Variants in RREB1 observed in about 807,000 individuals in gnomAD.
RREB1 encodes ras responsive element binding protein 1, also known as ras-responsive element-binding protein 1.
RREB1 carries 27 observed loss-of-function variants against 117.8 expected under a neutral mutation model. The observed-to-expected ratio is 0.23, with a 90% CI of 0.17 to 0.32. The LOEUF is 0.32. Ranked by LOEUF, RREB1 falls within the 10% of genes least tolerant of loss-of-function variation. RREB1 has a pLI of 1.00. For synonymous variants in RREB1, 1,298 were observed against 1,026.7 expected (o/e 1.26, Z -5.05); for missense variants, 2,577 against 2,378.2 (o/e 1.08, Z -1.74).
chr6:7,119,333 G>A (rs939006722), intron 1 of RREB1, among the ~76,000 whole-genome samples: 2 of 152,220 alleles, frequency 1.3e-5, no homozygotes, highest in African/African-American at 4.8e-5. Flanking sequence ...TCGGGTGACA[G>A]AGCGAGACTC....
intron 1 of RREB1, among the ~76,000 whole-genome samples, chr6:7,115,660 C>G (rs996207265): frequency 1.3e-5 from 2 of 152,028 alleles, no homozygotes; most frequent in African/African-American, 4.8e-5. Context: ...TCCTGCAGAA[C>G]GCACTCTGCG....
Position 7,248,613 on chromosome 6 carries a change from A to C in RREB1, c.4874A>C (p.His1625Pro), listed in dbSNP as rs775174794. 7 of 1,614,134 alleles carry C rather than the reference A, an allele frequency of 4.3e-6. No homozygotes were observed. In the Admixed American group the frequency reaches 1.2e-4, roughly 27 times the overall value. The change falls in exon 13 of 13, where the codon CAC (histidine) becomes CCC (proline). Residue 1625 changes from histidine (H) to proline (P), a missense_variant. By Grantham distance (77) the His-to-Pro change is moderately conservative. Transcript: ENST00000379938. ...CACCAGAAAGCCAGGCATGCCAAAC[A>C]CCACGGGAAGGACAGCGACAAGGAA... The part of the protein sequence containing the change: ...RIHQKARHAK[H>P]HGKDSDKEER...
intron 1 of RREB1, among the ~76,000 whole-genome samples, chr6:7,108,338 T>C (rs1033297738): frequency 6.6e-6 from 1 of 150,538 alleles, no homozygotes; most frequent in African/African-American, 2.4e-5. Flanking sequence ...CTCCTCCTCC[T>C]CCCCTTCCTC....
At chr6:7,115,392 G>A (rs1157683592) in intron 1 of RREB1, among the ~76,000 whole-genome samples, 1 of 146,260 alleles carries the variant, frequency 6.8e-6, no homozygotes, top group East Asian at 2.1e-4. Context: ...AGGAGGTAAG[G>A]AAACCATAGA....
intron 1 of RREB1, among the ~76,000 whole-genome samples, chr6:7,110,496 G>GTGTGTGTGTGTGTT (rs1249756690): frequency 1.3e-5 from 2 of 152,116 alleles, no homozygotes; most frequent in Non-Finnish European, 2.9e-5. Flanking sequence ...GTGTGTGTGT[G>GTGTGTGTGTGTGTT]TATGTGTTTA....
chr6:7,156,881 C>T (rs1763390766), intron 1 of RREB1, among the ~76,000 whole-genome samples: 1 of 152,182 alleles, frequency 6.6e-6, no homozygotes, highest in Non-Finnish European at 1.5e-5. Context: ...TTGGCTGCTC[C>T]TGTGTACCCA....
At chr6:7,130,418 C>T (rs1471865339) in intron 1 of RREB1, among the ~76,000 whole-genome samples, 2 of 152,130 alleles carry the variant, frequency 1.3e-5, no homozygotes, top group African/African-American at 4.8e-5. Flanking sequence ...TTGCATTTGT[C>T]ATTTCACAAC....
In RREB1 at chr6:7,231,669, C is replaced by A. The variant is rs546171700; in HGVS notation, c.3570C>A (p.Thr1190=). The A allele has an allele frequency of 1.9e-6, 3 of 1,611,274 alleles. No individual in the cohort carries two copies. Among genetic ancestry groups the A allele is most frequent in the Admixed American group, 3.3e-5 (2 of 59,862 alleles). The stretch of plus-strand genomic sequence containing the variant: ...AGAAGATGCTGGCCACCACAGACAC[C>A]AACAAGTTCAGTCCGTTTCTGCAGA... ...SIEKMLATTD[T]NKFSPFLQTA... The change falls in exon 10 of 13, where the codon ACC becomes ACA. Residue 1190 remains threonine (T), a synonymous_variant. Coordinates refer to ENST00000379938, the MANE Select transcript of RREB1 (RefSeq NM_001003699.4).
chr6:7,186,797 T>C (rs1258799767), intron 4 of RREB1, among the ~76,000 whole-genome samples: 1 of 152,118 alleles, frequency 6.6e-6, no homozygotes, highest in African/African-American at 2.4e-5. Flanking sequence ...AGTCTTCAGT[T>C]TGGGTTGGCA....
chr6:7,229,574 C>T lies in RREB1; in HGVS notation c.1475C>T (p.Ala492Val). ...PQISLPPFSK[A>V]PAAPLQAIFK... ...ATCAGTCTTCCGCCCTTCTCCAAGG[C>T]CCCTGCCGCCCCACTGCAGGCGATC... Residue 492 changes from alanine to valine, a missense_variant, in exon 10 of 13, where the codon GCC (alanine) becomes GTC (valine). By Grantham distance (64) the Ala-to-Val change is moderately conservative. Transcript: ENST00000379938. This position sits in a 1 kb window ranked among gnomAD's most constrained non-coding sequence, Gnocchi z 4.5. 1 of 1,612,098 alleles carries T rather than the reference C, an allele frequency of 6.2e-7. No homozygotes were observed. The highest frequency in any genetic ancestry group is 8.5e-7 in the Non-Finnish European group (1 of 1,178,606).
At chr6:7,127,194 A>G (rs1007407674) in intron 1 of RREB1, among the ~76,000 whole-genome samples, 2 of 151,728 alleles carry the variant, frequency 1.3e-5, no homozygotes, top group Non-Finnish European at 2.9e-5. Flanking sequence ...TCGGTGGTGG[A>G]GTCTGTTGTG....
chr6:7,189,369 G>A (rs777637210), intron 6 of RREB1, 47 bp downstream of exon 6: 55 of 1,519,392 alleles, frequency 3.6e-5, no homozygotes, highest in Admixed American at 6.1e-5. Context: ...GTACTTGGAG[G>A]TTGGCAGGCA....
chr6:7,125,606 G>A (rs1279741977), intron 1 of RREB1, among the ~76,000 whole-genome samples: 1 of 152,202 alleles, frequency 6.6e-6, no homozygotes, highest in Non-Finnish European at 1.5e-5. Context: ...GGTAGGGCCA[G>A]TGCCTTGAGA....
intron 1 of RREB1, among the ~76,000 whole-genome samples, chr6:7,138,085 C>A (rs544189867): frequency 1.3e-5 from 2 of 152,118 alleles, no homozygotes; most frequent in Non-Finnish European, 2.9e-5. Context: ...CATTAGACAC[C>A]CTTTGTGCAC....
chr6:7,178,278 C>T (rs1039050655), intron 2 of RREB1, among the ~76,000 whole-genome samples: 5 of 152,094 alleles, frequency 3.3e-5, no homozygotes, highest in African/African-American at 9.7e-5. Context: ...GAAAAAAATG[C>T]TTTGTGAATA....
chr6:7,156,920 A>G (rs927634678), intron 1 of RREB1, among the ~76,000 whole-genome samples: 6 of 152,116 alleles, frequency 3.9e-5, no homozygotes, highest in Non-Finnish European at 8.8e-5. Flanking sequence ...TTGAGATCAC[A>G]TGGTCTTAAA....
chr6:7,200,869 G>A (rs187630579), intron 6 of RREB1, among the ~76,000 whole-genome samples: 1 of 152,284 alleles, frequency 6.6e-6, no homozygotes, highest in East Asian at 1.9e-4. Flanking sequence ...TTTTAGCAGA[G>A]TTGTTGTCAG....
chr6:7,232,979 C>T (rs1250877055), intron 10 of RREB1, among the ~76,000 whole-genome samples: 1 of 152,204 alleles, frequency 6.6e-6, no homozygotes, highest in Non-Finnish European at 1.5e-5. Context: ...ACTGCAACCT[C>T]TGCCTCCCTG....
chr6:7,206,928 A>G (rs1052408532), intron 6 of RREB1, among the ~76,000 whole-genome samples: 1 of 152,210 alleles, frequency 6.6e-6, no homozygotes, highest in African/African-American at 2.4e-5. Flanking sequence ...AGGGTGCTCC[A>G]CTATTGAAGT....
Sources: allele counts gnomAD v4.1 joint callset (sites outside exome capture counted in the v4.1 genomes callset), GRCh38; gene constraint gnomAD v4.1.1; non-coding constraint Gnocchi (gnomAD v3.1); transcripts MANE v1.5; gene names NCBI Gene and HGNC (gene_info 2026-07-23, HGNC 2026-07-21).